The following DPYS variants were observed in gnomAD, a reference collection of about 807,000 sequenced individuals.
DPYS encodes the protein dihydropyrimidine amidohydrolase.
In DPYS, 39 loss-of-function variants were observed where a neutral mutation model predicts 50.3. The observed-to-expected ratio is 0.78, with a 90% CI of 0.60 to 1.01. DPYS has a LOEUF of 1.01. Among genes scored for constraint, DPYS ranks in the 50% least tolerant of loss-of-function variants. The pLI is 0.00. For synonymous variants in DPYS, 245 were observed against 250.7 expected (o/e 0.98, Z 0.22); for missense variants, 659 against 680.9 (o/e 0.97, Z 0.36).
intron 8 of DPYS, among the ~76,000 whole-genome samples, chr8:104,384,047 C>G (rs1431075661): frequency 2.0e-5 from 3 of 152,072 alleles, no homozygotes; most frequent in Non-Finnish European, 2.9e-5. Context: ...CCTGCACCCT[C>G]TCTCTCTCTT....
intron 1 of DPYS, among the ~76,000 whole-genome samples, chr8:104,454,751 C>T (rs1044094982): frequency 1.3e-5 from 2 of 152,068 alleles, no homozygotes; most frequent in Non-Finnish European, 1.5e-5. Context: ...GCTAAGCTCC[C>T]TAGAAGAGGT....
intron 7 of DPYS, chr8:104,420,279 C>T (rs1189313868): frequency 1.3e-5 from 2 of 152,126 alleles, no homozygotes; most frequent in Non-Finnish European, 2.9e-5. Flanking sequence ...TAGTTGAGGT[C>T]ATCAGCATAA....
chr8:104,456,654 T>C (rs1346982243), intron 1 of DPYS, among the ~76,000 whole-genome samples: 2 of 152,230 alleles, frequency 1.3e-5, no homozygotes, highest in African/African-American at 4.8e-5. Flanking sequence ...GCCTAGTTAT[T>C]TCCTTTGCTT....
chr8:104,396,911 ATTCT>A (rs1424470755), intron 7 of DPYS, among the ~76,000 whole-genome samples: 2 of 152,068 alleles, frequency 1.3e-5, no homozygotes, highest in Non-Finnish European at 2.9e-5. Context: ...CATCTAAGAG[ATTCT>A]TTATATTAAG....
chr8:104,426,802 A>T (rs183469256), intron 6 of DPYS, among the ~76,000 whole-genome samples: 1 of 152,336 alleles, frequency 6.6e-6, no homozygotes, highest in East Asian at 1.9e-4. Flanking sequence ...CTCAGGGAGA[A>T]GTTTTGTAGT....
intron 4 of DPYS, among the ~76,000 whole-genome samples, chr8:104,435,998 G>T (rs978213292): frequency 1.2e-4 from 18 of 152,258 alleles, no homozygotes; most frequent in Non-Finnish European, 2.5e-4. Context: ...GGGCAGTGAA[G>T]GGGAGGGGAA....
At chr8:104,444,154 T>A in intron 4 of DPYS, 94 bp downstream of exon 4, 6 of 1,371,664 alleles carry the variant, frequency 4.4e-6, no homozygotes, top group Non-Finnish European at 6.1e-6. Flanking sequence ...GAAATCCACA[T>A]GCACTTTCTC....
chr8:104,460,766 T>G (rs1019503800), intron 1 of DPYS, among the ~76,000 whole-genome samples: 1 of 152,056 alleles, frequency 6.6e-6, no homozygotes, highest in Non-Finnish European at 1.5e-5. Context: ...AATCTTTGAG[T>G]TTTTTTGTGC....
chr8:104,443,871 C>A (rs549726020), intron 4 of DPYS, among the ~76,000 whole-genome samples: 7 of 152,082 alleles, frequency 4.6e-5, no homozygotes, highest in Admixed American at 3.3e-4. Context: ...CCAGCCTGGG[C>A]GACAAAGTGA....
In DPYS at chr8:104,466,990, GC is replaced by G; in HGVS notation, c.-71del. On this transcript the variant is annotated 5_prime_UTR_variant, in exon 1 of 10. Transcript: ENST00000351513. Reference sequence around the variant, plus strand: ...GGGCTGGGTTGGGCGGGCCGGGCGGGCTTGGGGTGCCCTCCTGCAAGGTCCC... The same window carrying G: ...GGGCTGGGTTGGGCGGGCCGGGCGGGTTGGGGTGCCCTCCTGCAAGGTCCC... 1 of 1,358,492 alleles carries G rather than the reference GC, an allele frequency of 7.4e-7. No individual in the cohort carries two copies. The highest frequency in any genetic ancestry group is 9.4e-7 in the Non-Finnish European group (1 of 1,061,576). The allele number at this position is 1,358,492 out of a possible 1,614,324, so 84.2% of individuals were successfully genotyped here.
At chr8:104,413,654 A>T (rs999831789) in intron 7 of DPYS, among the ~76,000 whole-genome samples, 1 of 152,214 alleles carries the variant, frequency 6.6e-6, no homozygotes, top group Non-Finnish European at 1.5e-5. Flanking sequence ...TAAGTTTTTT[A>T]ATTACTCACT....
At chr8:104,400,755 C>T (rs949086560) in intron 7 of DPYS, among the ~76,000 whole-genome samples, 26 of 152,238 alleles carry the variant, frequency 1.7e-4, no homozygotes, top group African/African-American at 6.0e-4. Context: ...GGTTGTCTTA[C>T]TGAGTCCCAA....
chr8:104,448,424 G>C (rs1182221023), intron 2 of DPYS, among the ~76,000 whole-genome samples: 1 of 152,118 alleles, frequency 6.6e-6, no homozygotes, highest in Non-Finnish European at 1.5e-5. Flanking sequence ...CCAAAGTGCT[G>C]GAATTACAGG....
At chr8:104,382,499 C>A (rs901937274) in intron 8 of DPYS, among the ~76,000 whole-genome samples, 32 of 151,822 alleles carry the variant, frequency 2.1e-4, no homozygotes, top group African/African-American at 7.7e-4. Flanking sequence ...TAATACCCCA[C>A]TCTCTGGCCA....
At chr8:104,404,235 AG>A (rs746966047) in intron 7 of DPYS, among the ~76,000 whole-genome samples, 1 of 152,166 alleles carries the variant, frequency 6.6e-6, no homozygotes, top group Non-Finnish European at 1.5e-5. Context: ...TCTTGAACTC[AG>A]ATCTATGTAG....
chr8:104,414,051 C>T (rs1186781623), intron 7 of DPYS, among the ~76,000 whole-genome samples: 3 of 152,184 alleles, frequency 2.0e-5, no homozygotes, highest in Non-Finnish European at 2.9e-5. Context: ...AAAGGACTAT[C>T]ATATGAGAAT....
At chr8:104,461,145 T>C (rs1814145442) in intron 1 of DPYS, among the ~76,000 whole-genome samples, 1 of 147,194 alleles carries the variant, frequency 6.8e-6, no homozygotes, top group Admixed American at 6.8e-5. Flanking sequence ...ATACAAAAAT[T>C]AGCTGGGCAT....
intron 1 of DPYS, among the ~76,000 whole-genome samples, 195 bp from the exon 2 acceptor site, chr8:104,451,599 C>T (rs952836171): frequency 6.6e-6 from 1 of 152,040 alleles, no homozygotes; most frequent in Non-Finnish European, 1.5e-5. Context: ...AAGTATTAAA[C>T]CTGCTGGAAT....
rs771247899 is a variant in DPYS, at chr8:104,418,950, C to T, written c.1235+5297G>A. 72 of 957,090 alleles carry T rather than the reference C, an allele frequency of 7.5e-5. 1 individual carries two copies. The highest frequency in any genetic ancestry group is 9.0e-5 in the Non-Finnish European group (72 of 804,078). The allele number at this position is 957,090 out of a possible 1,614,324, so 59.3% of individuals were successfully genotyped here. ...TCAGCCTGCGGCTTGCCGAGGTGCTCCTGTGCAGAGTGAATTTGTGAATGA... is the reference window on the plus strand; with the variant it reads ...TCAGCCTGCGGCTTGCCGAGGTGCTTCTGTGCAGAGTGAATTTGTGAATGA... On this transcript the variant is annotated intron_variant, in intron 7 of 9. Transcript: ENST00000351513.
Sources: gnomAD v4.1 joint callset for allele counts (sites outside exome capture counted in the v4.1 genomes callset) on GRCh38, gnomAD v4.1.1 for gene constraint, MANE v1.5 for transcripts, NCBI Gene and HGNC (gene_info 2026-07-23, HGNC 2026-07-21) for gene names.